Variants in HNRNPLL observed in about 807,000 individuals in gnomAD.
The protein encoded by HNRNPLL is heterogeneous nuclear ribonucleoprotein L like.
Under a neutral mutation model 67.1 loss-of-function variants are expected in HNRNPLL, and 25 were observed. That is an observed-to-expected ratio of 0.37 (90% CI 0.27 to 0.52). HNRNPLL has a LOEUF of 0.52. Among genes scored for constraint, HNRNPLL ranks in the 20% least tolerant of loss-of-function variants. The pLI, the probability that HNRNPLL is intolerant of heterozygous loss-of-function variation, is 0.90. For missense variants in HNRNPLL, 542 were observed against 673.9 expected (o/e 0.80, Z 2.17); for synonymous variants, 267 against 241.7 (o/e 1.10, Z -0.97).
intron 8 of HNRNPLL, among the ~76,000 whole-genome samples, chr2:38,570,163 T>C (rs927816690): frequency 2.6e-5 from 4 of 152,226 alleles, no homozygotes; most frequent in Admixed American, 6.5e-5. Context: ...CTCTGTTATG[T>C]ATTAATTGTG....
At chr2:38,601,442 A>C (rs1177121811) in intron 1 of HNRNPLL, among the ~76,000 whole-genome samples, 2 of 152,248 alleles carry the variant, frequency 1.3e-5, no homozygotes, top group Non-Finnish European at 2.9e-5. Flanking sequence ...AGTTTGCAGA[A>C]TTAATCACAA....
intron 12 of HNRNPLL, 82 bp downstream of exon 12, chr2:38,568,117 G>C: frequency 2.4e-6 from 2 of 838,184 alleles, no homozygotes; most frequent in Non-Finnish European, 3.8e-6. Context: ...CCTATTAAGT[G>C]TTATTTTTAT....
At chr2:38,567,844 G>A (rs1665929844) in intron 12 of HNRNPLL, among the ~76,000 whole-genome samples, 1 of 152,144 alleles carries the variant, frequency 6.6e-6, no homozygotes, top group South Asian at 2.1e-4. Context: ...AGTGCGCCTG[G>A]GGGTGGATCT....
In HNRNPLL at chr2:38,569,937, A is replaced by T. The variant is rs774056480; in HGVS notation, c.1093-12T>A. On this transcript the variant is annotated splice_polypyrimidine_tract_variant and intron_variant, in intron 8 of 12. Transcript: ENST00000449105. ...TTCATAAATTTTACCTGTAAACACA[A>T]AATTCCAAAAAGGTGACCATTTAAT... 1 of 1,569,054 alleles carries T rather than the reference A, an allele frequency of 6.4e-7. No homozygotes were observed. The highest frequency in any genetic ancestry group is 8.6e-7 in the Non-Finnish European group (1 of 1,158,616).
intron 7 of HNRNPLL, among the ~76,000 whole-genome samples, chr2:38,574,688 C>A (rs1055231567): frequency 1.3e-5 from 2 of 151,770 alleles, no homozygotes; most frequent in African/African-American, 2.4e-5. Context: ...CACACAAACA[C>A]GGTGTGAATT....
In HNRNPLL at chr2:38,602,840, C is replaced by G; in HGVS notation, c.-214G>C. On this transcript the variant is annotated 5_prime_UTR_variant, in exon 1 of 13. Coordinates refer to ENST00000449105, the MANE Select transcript of HNRNPLL (RefSeq NM_138394.4). ...GCCCCGGGAGGAAGCTCTGGAGCGG[C>G]CGCTCCTCTCAATTACCGAGCCAAC... 1 of 1,549,008 alleles carries G rather than the reference C, an allele frequency of 6.5e-7. No homozygotes were observed. The highest frequency in any genetic ancestry group is 8.7e-7 in the Non-Finnish European group (1 of 1,146,232).
chr2:38,585,555 A>G, intron 3 of HNRNPLL, 89 bp downstream of exon 3: 4 of 761,522 alleles, frequency 5.3e-6, no homozygotes, highest in Non-Finnish European at 6.9e-6. Flanking sequence ...TCTAGTATCT[A>G]GATGGCAATG....
intron 1 of HNRNPLL, chr2:38,602,137 C>A: frequency 2.5e-6 from 1 of 405,048 alleles, no homozygotes; most frequent in East Asian, 5.1e-5. Flanking sequence ...AGCCGCGAAA[C>A]CCCCCAGAGC....
intron 1 of HNRNPLL, among the ~76,000 whole-genome samples, chr2:38,594,810 C>T (rs573806658): frequency 3.8e-4 from 57 of 151,946 alleles, no homozygotes; most frequent in African/African-American, 8.9e-4. Context: ...ATGAGCTGGG[C>T]GTGGTGGTGC....
Position 38,589,619 on chromosome 2 carries a change from G to T in HNRNPLL, c.308+1911C>A, listed in dbSNP as rs748249925. On this transcript the variant is annotated intron_variant, in intron 2 of 12. Transcript: ENST00000449105. ...AATTAACTGAATGACATTCACATAC[G>T]GTAGACTTTACCAGAGACTAAGTAT... 2.0e-4 allele frequency among the ~76,000 whole-genome samples: 31 copies of T among 152,042 alleles called. 1 individual carries two copies. Among genetic ancestry groups the T allele is most frequent in the Non-Finnish European group, 3.4e-4 (23 of 67,998 alleles).
At chr2:38,573,809 T>A (rs1280262692) in intron 7 of HNRNPLL, among the ~76,000 whole-genome samples, 1 of 151,846 alleles carries the variant, frequency 6.6e-6, no homozygotes, top group Admixed American at 6.6e-5. Context: ...GGAGGAGTAA[T>A]AATATTACAT....
chr2:38,587,424 T>G (rs772198374), intron 2 of HNRNPLL, among the ~76,000 whole-genome samples: 5 of 152,192 alleles, frequency 3.3e-5, no homozygotes, highest in South Asian at 4.1e-4. Context: ...AAACAGAGCC[T>G]AGCATATATT....
At chr2:38,566,071 C>T in intron 12 of HNRNPLL, 1 of 987,668 alleles carries the variant, frequency 1.0e-6, no homozygotes, top group East Asian at 1.1e-4. Context: ...AATTACACAG[C>T]AAAAAGTTTC....
At chr2:38,585,190 G>A (rs1041214007) in intron 3 of HNRNPLL, among the ~76,000 whole-genome samples, 2 of 152,172 alleles carry the variant, frequency 1.3e-5, no homozygotes, top group Non-Finnish European at 2.9e-5. Flanking sequence ...TTTCAAAAGA[G>A]TAAAGAAGCA....
chr2:38,588,342 G>A (rs1179932031), intron 2 of HNRNPLL, among the ~76,000 whole-genome samples: 1 of 151,738 alleles, frequency 6.6e-6, no homozygotes, highest in Non-Finnish European at 1.5e-5. Flanking sequence ...AAGGTCAGGA[G>A]TTCAAGGCCA....
chr2:38,567,595 G>A (rs1415828005), intron 12 of HNRNPLL, among the ~76,000 whole-genome samples: 3 of 152,290 alleles, frequency 2.0e-5, no homozygotes, highest in African/African-American at 7.2e-5. Context: ...GATTGTGGAA[G>A]CTATAGCTTG....
In HNRNPLL at chr2:38,583,930, T is replaced by A; in HGVS notation, c.547-4A>T. 1 of 1,365,368 alleles carries A rather than the reference T, an allele frequency of 7.3e-7. No homozygotes were observed. Among genetic ancestry groups the A allele is most frequent in the African/African-American group, 1.5e-5 (1 of 67,938 alleles). The allele number at this position is 1,365,368 out of a possible 1,614,324, so 84.6% of individuals were successfully genotyped here. On this transcript the variant is annotated splice_region_variant and splice_polypyrimidine_tract_variant and intron_variant, in intron 3 of 12. Coordinates refer to ENST00000449105, the MANE Select transcript of HNRNPLL (RefSeq NM_138394.4). ...TGCATACAGTATATAAAACATCCTATGAAGGAAAAGAAAAAGATTTCTTCA... is the reference window on the plus strand; with the variant it reads ...TGCATACAGTATATAAAACATCCTAAGAAGGAAAAGAAAAAGATTTCTTCA...
chr2:38,600,638 T>A (rs1667392076), intron 1 of HNRNPLL, among the ~76,000 whole-genome samples: 1 of 151,352 alleles, frequency 6.6e-6, no homozygotes, highest in Non-Finnish European at 1.5e-5. Flanking sequence ...GAGGCTGAGG[T>A]AGGAGGATCG....
chr2:38,563,179 A>C lies in HNRNPLL; in HGVS notation c.*1003T>G, dbSNP rs890523975. ...CTATTATCTTAAAAAGAAAAAAAAA[A>C]CAGATCCAGTGGGAGAAAGAATGTT... On this transcript the variant is annotated 3_prime_UTR_variant, in exon 13 of 13. Coordinates refer to ENST00000449105, the MANE Select transcript of HNRNPLL (RefSeq NM_138394.4). The C allele has an allele frequency of 6.6e-6, 1 of 152,022 alleles. No individual in the cohort carries two copies. The highest frequency in any genetic ancestry group is 2.4e-5 in the African/African-American group (1 of 41,430). The allele number at this position is 152,022 out of a possible 1,614,324, so 9.4% of individuals were successfully genotyped here.
Sources: gnomAD v4.1 joint callset for allele counts (sites outside exome capture counted in the v4.1 genomes callset) on GRCh38, gnomAD v4.1.1 for gene constraint, MANE v1.5 for transcripts, NCBI Gene and HGNC (gene_info 2026-07-23, HGNC 2026-07-21) for gene names.